The following GSG1L variants were observed in gnomAD, a reference collection of about 807,000 sequenced individuals.
GSG1L encodes the protein GSG1 like.
In GSG1L, 24 loss-of-function variants were observed where a neutral mutation model predicts 42.1. The ratio of observed to expected loss-of-function variants is 0.57; its 90% CI spans 0.41 to 0.80. The LOEUF (loss-of-function observed/expected upper bound fraction) is 0.80. Ranked by LOEUF, GSG1L falls within the 30% of genes least tolerant of loss-of-function variation. GSG1L has a pLI of 0.00. For missense variants in GSG1L, 445 were observed against 472.2 expected (o/e 0.94, Z 0.53); for synonymous variants, 215 against 203.5 (o/e 1.06, Z -0.48).
At chr16:27,909,013 C>T (rs1314908376) in intron 2 of GSG1L, among the ~76,000 whole-genome samples, 1 of 152,106 alleles carries the variant, frequency 6.6e-6, no homozygotes, top group African/African-American at 2.4e-5. Flanking sequence ...CTGGTGCCTA[C>T]ACTTACCAGC....
At position 28,054,307 on chromosome 16, in the gene GSG1L, C is replaced by A. The variant is rs776843910; in HGVS notation, c.349+8769G>T. On this transcript the variant is annotated intron_variant, in intron 1 of 6. Transcript: ENST00000447459. ...CCACCATCGGGGAAGAAGGACGGCC[C>A]CTGAGAAGGGACCCTGCCCCCTCCA... Among the ~76,000 whole-genome samples the A allele has an allele frequency of 2.0e-5, 3 of 152,190 alleles. No individual in the cohort carries two copies. The South Asian group carries it at 6.2e-4, about 31-fold the overall frequency.
At chr16:27,963,823 T>A (rs2085098084) in intron 1 of GSG1L, among the ~76,000 whole-genome samples, 1 of 152,124 alleles carries the variant, frequency 6.6e-6, no homozygotes, top group African/African-American at 2.4e-5. Flanking sequence ...TCACAGCACC[T>A]TGGATTTCTA....
intron 2 of GSG1L, among the ~76,000 whole-genome samples, chr16:27,894,407 G>C (rs1311733012): frequency 6.6e-6 from 1 of 152,226 alleles, no homozygotes; most frequent in Admixed American, 6.5e-5. Context: ...GAGGATCAGA[G>C]GGGAATTGTT....
intron 1 of GSG1L, among the ~76,000 whole-genome samples, chr16:27,992,085 G>A (rs1466529384): frequency 6.6e-6 from 1 of 152,198 alleles, no homozygotes; most frequent in Non-Finnish European, 1.5e-5. Context: ...AGCAATGCCT[G>A]TGGCATAGAT....
At chr16:28,052,798 G>A (rs919643230) in intron 1 of GSG1L, among the ~76,000 whole-genome samples, 2 of 152,236 alleles carry the variant, frequency 1.3e-5, no homozygotes, top group Admixed American at 1.3e-4. Flanking sequence ...AGATGATTAG[G>A]TAGGGACATG....
At chr16:28,004,010 C>T (rs2085608776) in intron 1 of GSG1L, among the ~76,000 whole-genome samples, 1 of 152,194 alleles carries the variant, frequency 6.6e-6, no homozygotes, top group Non-Finnish European at 1.5e-5. Flanking sequence ...CTGCTGGTGC[C>T]CACTGTGAGT....
At chr16:28,012,544 C>T (rs1417027565) in intron 1 of GSG1L, among the ~76,000 whole-genome samples, 1 of 151,432 alleles carries the variant, frequency 6.6e-6, no homozygotes, top group Non-Finnish European at 1.5e-5. Context: ...ATAGAGCTTA[C>T]AAACTTAGAG....
chr16:27,925,181 T>C (rs994943899), intron 2 of GSG1L, among the ~76,000 whole-genome samples: 1 of 152,240 alleles, frequency 6.6e-6, no homozygotes, highest in African/African-American at 2.4e-5. Flanking sequence ...ACATCCAACT[T>C]GGAGGACCAA....
rs1378732237 is a variant in GSG1L at position 28,063,142 on chromosome 16, G to T, written c.283C>A (p.Arg95Ser). 2.8e-6 allele frequency: 4 copies of T among 1,427,038 alleles called. No individual in the cohort carries two copies. Among genetic ancestry groups the T allele is most frequent in the Non-Finnish European group, 3.7e-6 (4 of 1,084,278 alleles). 88.4% of individuals were successfully genotyped at this position (1,427,038 alleles called of 1,614,324 possible). A position where few individuals can be genotyped will look rare whatever the true frequency, so the allele number is the denominator to read the frequency against. The change falls in exon 1 of 7, where the codon CGC (arginine) becomes AGC (serine). Residue 95 changes from arginine (R) to serine (S), a missense_variant. By Grantham distance (110) the Arg-to-Ser change is moderately radical (BLOSUM62 -1). This residue lies in a region of GSG1L where 149 missense variants were observed against 223.3 expected (regional missense o/e 0.67). Transcript: ENST00000447459. This position sits in a 1 kb window ranked among gnomAD's most constrained non-coding sequence, Gnocchi z 5.8. ...GTGTGGAAATTCCTGAAGAGGAAGCGGTCGTCGCCGGTCTCCCAGCTGTAG... is the reference window on the plus strand; with the variant it reads ...GTGTGGAAATTCCTGAAGAGGAAGCTGTCGTCGCCGGTCTCCCAGCTGTAG... ...ALYSWETGDD[R>S]FLFRNFHTGI...
chr16:27,845,231 G>C (rs1236892886), intron 3 of GSG1L, among the ~76,000 whole-genome samples, 170 bp from the exon 4 acceptor site: 2 of 152,144 alleles, frequency 1.3e-5, no homozygotes, highest in East Asian at 1.9e-4. Flanking sequence ...GGCCAGAGAG[G>C]GTAGTTCTCT....
Position 27,923,984 on chromosome 16 carries a change from AG to A in GSG1L, c.397+39171del, listed in dbSNP as rs1409146616. Among the ~76,000 whole-genome samples the A allele has an allele frequency of 2.0e-5, 3 of 152,100 alleles. No homozygotes were observed. The East Asian group carries it at 5.8e-4, about 29-fold the overall frequency. ...AAGTTACCTAACCTCTCTGGGCCTC[AG>A]TCTCCTCAAAGTAAAATAGGAGTAA... is the stretch of plus-strand genomic sequence containing the variant. On this transcript the variant is annotated intron_variant, in intron 2 of 6. Coordinates refer to ENST00000447459, the MANE Select transcript of GSG1L (RefSeq NM_001109763.2).
At chr16:28,045,429 A>G (rs971152048) in intron 1 of GSG1L, among the ~76,000 whole-genome samples, 1 of 152,234 alleles carries the variant, frequency 6.6e-6, no homozygotes, top group Admixed American at 6.5e-5. Flanking sequence ...TAATTCCAGC[A>G]CTGTGGGAGG....
At chr16:27,809,591 A>C (rs1010248389) in intron 5 of GSG1L, among the ~76,000 whole-genome samples, 14 of 146,144 alleles carry the variant, frequency 9.6e-5, no homozygotes, top group African/African-American at 3.6e-4. Context: ...AAAAAAAAAA[A>C]CCAATCATTA....
intron 2 of GSG1L, among the ~76,000 whole-genome samples, chr16:27,947,376 A>AAG (rs1236644624): frequency 8.8e-6 from 1 of 113,802 alleles, no homozygotes; most frequent in South Asian, 3.3e-4. Context: ...GAGAGAAAGA[A>AAG]AGAAAGAAAA....
intron 4 of GSG1L, among the ~76,000 whole-genome samples, chr16:27,840,092 C>T (rs548014797): frequency 2.1e-4 from 31 of 151,128 alleles, no homozygotes; most frequent in African/African-American, 6.3e-4. Flanking sequence ...TGCAGTGGCA[C>T]GAACACAGTT....
chr16:27,845,849 A>C (rs952227370), intron 3 of GSG1L, among the ~76,000 whole-genome samples: 1 of 151,890 alleles, frequency 6.6e-6, no homozygotes, highest in Admixed American at 6.6e-5. Flanking sequence ...TTCTTTGTGT[A>C]TTCTGAATAT....
At chr16:27,893,944 G>A (rs1275545401) in intron 2 of GSG1L, among the ~76,000 whole-genome samples, 1 of 152,144 alleles carries the variant, frequency 6.6e-6, no homozygotes, top group Non-Finnish European at 1.5e-5. Context: ...CTAGAGACAA[G>A]GTCGCACCCT....
At chr16:27,804,038 G>GATAGATAGAT (rs1432561896) in intron 6 of GSG1L, among the ~76,000 whole-genome samples, 346 of 7,812 alleles carry the variant, frequency 0.044, 8 homozygotes, top group African/African-American at 0.13. Context: ...AGATTAGATG[G>GATAGATAGAT]ATAGATAGAT....
intron 2 of GSG1L, among the ~76,000 whole-genome samples, chr16:27,893,752 T>C (rs1277584020): frequency 2.6e-5 from 4 of 151,846 alleles, no homozygotes; most frequent in African/African-American, 9.7e-5. Flanking sequence ...GCTAATTTTT[T>C]ATTTTCATTT....
Sources: allele counts gnomAD v4.1 joint callset (sites outside exome capture counted in the v4.1 genomes callset), GRCh38; gene constraint gnomAD v4.1.1; regional missense constraint gnomAD v4.1.1; non-coding constraint Gnocchi (gnomAD v3.1); transcripts MANE v1.5; gene names NCBI Gene and HGNC (gene_info 2026-07-23, HGNC 2026-07-21).